The following NCK2 variants were observed in gnomAD, a reference collection of about 807,000 sequenced individuals.
NCK2 encodes cytoplasmic protein NCK2.
In NCK2, 16 loss-of-function variants were observed where a neutral mutation model predicts 33.9. That is an observed-to-expected ratio of 0.47 (90% CI 0.32 to 0.72). The LOEUF (loss-of-function observed/expected upper bound fraction) is 0.72. Among genes scored for constraint, NCK2 ranks in the 30% least tolerant of loss-of-function variants. NCK2 has a pLI of 0.03. For missense variants in NCK2, 418 were observed against 537.3 expected, an observed-to-expected ratio of 0.78 and a Z score of 2.19; for synonymous variants, 273 against 239.9, an observed-to-expected ratio of 1.14 and a Z score of -1.27.
intron 3 of NCK2, among the ~76,000 whole-genome samples, chr2:105,873,903 C>T (rs897120966): frequency 5.9e-5 from 9 of 152,240 alleles, no homozygotes; most frequent in East Asian, 3.9e-4. Context: ...CTCCTAGGGA[C>T]GGTATTTCCC....
chr2:105,824,272 G>A (rs530085712), intron 2 of NCK2, among the ~76,000 whole-genome samples: 2 of 152,174 alleles, frequency 1.3e-5, no homozygotes, highest in East Asian at 3.8e-4. Context: ...GGCCCCTGAC[G>A]GTGCTCACAG....
At chr2:105,804,693 T>A (rs79523958) in intron 1 of NCK2, among the ~76,000 whole-genome samples, 3,140 of 152,354 alleles carry the variant, frequency 0.021, 107 homozygotes, top group African/African-American at 0.071. Context: ...CAAATTTATT[T>A]ATTGAATGAA....
chr2:105,789,764 C>A (rs2104421819), intron 1 of NCK2, among the ~76,000 whole-genome samples: 1 of 152,346 alleles, frequency 6.6e-6, no homozygotes, highest in East Asian at 1.9e-4. Flanking sequence ...CTTTTTCTGA[C>A]ACAGACTGCT....
intron 1 of NCK2, among the ~76,000 whole-genome samples, chr2:105,791,026 G>T (rs1446147546): frequency 6.6e-6 from 1 of 152,122 alleles, no homozygotes; most frequent in African/African-American, 2.4e-5. Flanking sequence ...GAGGTTGTCC[G>T]CTCCCACTCA....
At chr2:105,799,270 T>TA (rs34629499) in intron 1 of NCK2, among the ~76,000 whole-genome samples, 80,853 of 149,392 alleles carry the variant, frequency 0.54, 24,285 homozygotes, top group Middle Eastern at 0.75. Flanking sequence ...GTCCTAGGTT[T>TA]AAAAAAAAAA....
chr2:105,755,673 G>C (rs1051272398), intron 1 of NCK2, among the ~76,000 whole-genome samples: 2 of 151,626 alleles, frequency 1.3e-5, no homozygotes, highest in African/African-American at 2.4e-5. Context: ...TTAAATGTTA[G>C]TATTTTGAGA....
At chr2:105,839,889 G>A (rs1463166592) in intron 2 of NCK2, among the ~76,000 whole-genome samples, 1 of 152,198 alleles carries the variant, frequency 6.6e-6, no homozygotes. Flanking sequence ...GGTCAGCAAG[G>A]GACAGGCAGC....
chr2:105,855,443 T>C, intron 3 of NCK2, 154 bp downstream of exon 3: 2 of 621,236 alleles, frequency 3.2e-6, no homozygotes, highest in South Asian at 2.3e-5. Flanking sequence ...AATTAAGAGA[T>C]GAAGATGGAG....
chr2:105,863,359 A>G (rs1257005034), intron 3 of NCK2, among the ~76,000 whole-genome samples: 2 of 152,150 alleles, frequency 1.3e-5, no homozygotes, highest in African/African-American at 2.4e-5. Context: ...TCTAAGCTTC[A>G]GTTGTCCCTT....
At chr2:105,851,875 G>C (rs910611659) in intron 2 of NCK2, 1 of 152,358 alleles carries the variant, frequency 6.6e-6, no homozygotes, top group African/African-American at 2.4e-5. Flanking sequence ...GCCGGACGTC[G>C]ATTGACTGGT....
At chr2:105,804,024 C>T (rs1674941139) in intron 1 of NCK2, among the ~76,000 whole-genome samples, 1 of 152,166 alleles carries the variant, frequency 6.6e-6, no homozygotes, top group South Asian at 2.1e-4. Flanking sequence ...TGCATCTCTG[C>T]CATCCCTCTC....
intron 1 of NCK2, among the ~76,000 whole-genome samples, chr2:105,815,546 T>C (rs541802312): frequency 6.6e-6 from 1 of 152,280 alleles, no homozygotes; most frequent in South Asian, 2.1e-4. Flanking sequence ...AAAACGTTAG[T>C]CAAGGACTGA....
chr2:105,858,791 C>G (rs1393407378), intron 3 of NCK2, among the ~76,000 whole-genome samples: 1 of 152,220 alleles, frequency 6.6e-6, no homozygotes, highest in Admixed American at 6.5e-5. Flanking sequence ...AAAGCTCTCT[C>G]ATGAAAGTAT....
At chr2:105,849,756 G>C (rs1019844495) in intron 2 of NCK2, among the ~76,000 whole-genome samples, 3 of 152,192 alleles carry the variant, frequency 2.0e-5, no homozygotes, top group African/African-American at 7.2e-5. Flanking sequence ...ACTCTGCAAG[G>C]AACCTGGTGC....
At position 105,792,366 on chromosome 2, in the gene NCK2, T is replaced by G. The variant is rs1320739648; in HGVS notation, c.-200-24064T>G. On this transcript the variant is annotated intron_variant, in intron 1 of 4. Transcript: ENST00000233154. Reference sequence around the variant, plus strand: ...CAGTTATCAATTAATGGCCAATCCTTTATCTAAGCCCCTATAGACTCTAAC... The same window carrying G: ...CAGTTATCAATTAATGGCCAATCCTGTATCTAAGCCCCTATAGACTCTAAC... Among the ~76,000 whole-genome samples the G allele has an allele frequency of 1.3e-5, 2 of 152,150 alleles. 1 individual carries two copies. Among genetic ancestry groups the G allele is most frequent in the Middle Eastern group, 6.3e-3 (2 of 316 alleles).
chr2:105,881,325 C>A lies in NCK2; in HGVS notation c.227-3C>A, dbSNP rs1245182678. ...GCCACTGAGCCTTGCTGTGTCTCCA[C>A]AGGCCTCGGCAAGACGCGCAGGAAG... is the stretch of plus-strand genomic sequence containing the variant. On this transcript the variant is annotated splice_polypyrimidine_tract_variant and splice_region_variant and intron_variant, in intron 3 of 4. Coordinates refer to ENST00000233154, the MANE Select transcript of NCK2 (RefSeq NM_003581.5). 6.3e-7 allele frequency: 1 copy of A among 1,583,512 alleles called. No individual in the cohort carries two copies. The highest frequency in any genetic ancestry group is 1.7e-5 in the Admixed American group (1 of 59,006).
At chr2:105,860,127 A>G (rs1677457945) in intron 3 of NCK2, among the ~76,000 whole-genome samples, 1 of 152,060 alleles carries the variant, frequency 6.6e-6, no homozygotes, top group South Asian at 2.1e-4. Flanking sequence ...TCTACAAAAA[A>G]ATTTTTTAAA....
chr2:105,890,753 ATT>A (rs1678936129), intron 4 of NCK2, among the ~76,000 whole-genome samples: 1 of 152,252 alleles, frequency 6.6e-6, no homozygotes, highest in South Asian at 2.1e-4. Flanking sequence ...TCAGACACTC[ATT>A]CCCCTGAGTT....
chr2:105,885,694 A>G (rs1049753896), intron 4 of NCK2, among the ~76,000 whole-genome samples: 2 of 151,786 alleles, frequency 1.3e-5, no homozygotes, highest in African/African-American at 4.8e-5. Context: ...TTGGGACCAC[A>G]CTTTGAAAAC....
Sources: allele counts gnomAD v4.1 joint callset (sites outside exome capture counted in the v4.1 genomes callset), GRCh38; gene constraint gnomAD v4.1.1; transcripts MANE v1.5; gene names NCBI Gene and HGNC (gene_info 2026-07-23, HGNC 2026-07-21).